ZMYND11: variants seen among roughly 807,000 people sequenced by gnomAD.
The protein encoded by ZMYND11 is zinc finger MYND domain-containing protein 11.
ZMYND11 carries 9 observed loss-of-function variants against 84.9 expected under a neutral mutation model. That is an observed-to-expected ratio of 0.11 (90% CI 0.06 to 0.18). ZMYND11 has a LOEUF of 0.18. Among genes scored for constraint, ZMYND11 ranks in the 10% least tolerant of loss-of-function variants. ZMYND11 has a pLI of 1.00. For missense variants in ZMYND11, 409 were observed against 761.0 expected, an observed-to-expected ratio of 0.54 and a Z score of 5.44; for synonymous variants, 250 against 244.1, an observed-to-expected ratio of 1.02 and a Z score of -0.23.
intron 2 of ZMYND11, among the ~76,000 whole-genome samples, chr10:208,610 A>G (rs1056218281): frequency 1.3e-5 from 2 of 152,236 alleles, no homozygotes; most frequent in Non-Finnish European, 2.9e-5. Flanking sequence ...ATAGTTGTTC[A>G]TGACTCTGCA....
rs146974151 is a variant in ZMYND11 at position 169,572 on chromosome 10, G to A, written c.-19-10422G>A. On this transcript the variant is annotated intron_variant, in intron 1 of 14. Transcript: ENST00000381604. ...ACATGGGCAACAAGAATAAATGGAC[G>A]ATATAAGCATAGAGATGGAAATTCT... is the stretch of plus-strand genomic sequence containing the variant. Among the ~76,000 whole-genome samples the A allele has an allele frequency of 3.1e-3, 468 of 152,210 alleles. 3 individuals are homozygous for A. Among genetic ancestry groups the A allele is most frequent in the African/African-American group, 0.011 (444 of 41,544 alleles).
intron 2 of ZMYND11, among the ~76,000 whole-genome samples, chr10:192,238 G>A (rs1940637180): frequency 6.6e-6 from 1 of 152,082 alleles, no homozygotes; most frequent in Admixed American, 6.5e-5. Flanking sequence ...AGCTTAGAGG[G>A]GGTGAAGTGT....
chr10:208,589 C>T (rs1168710414), intron 2 of ZMYND11, among the ~76,000 whole-genome samples: 1 of 152,210 alleles, frequency 6.6e-6, no homozygotes, highest in Non-Finnish European at 1.5e-5. Flanking sequence ...ATAGTGCACT[C>T]AGTCCCTGAG....
chr10:247,957 G>A (rs928504106), intron 12 of ZMYND11, among the ~76,000 whole-genome samples: 1 of 152,148 alleles, frequency 6.6e-6, no homozygotes, highest in Non-Finnish European at 1.5e-5. Flanking sequence ...AGGATTTGAG[G>A]AAATGTGTTA....
intron 2 of ZMYND11, among the ~76,000 whole-genome samples, chr10:194,142 G>C (rs932944761): frequency 3.3e-5 from 5 of 151,944 alleles, no homozygotes; most frequent in Non-Finnish European, 7.4e-5. Context: ...ATGCCACCAC[G>C]CCTGGCTAAT....
At chr10:238,646 G>A (rs1015213546) in intron 6 of ZMYND11, among the ~76,000 whole-genome samples, 8 of 152,256 alleles carry the variant, frequency 5.3e-5, no homozygotes, top group Admixed American at 2.0e-4. Flanking sequence ...GTGAGCCACC[G>A]CGCCCGGCCA....
At chr10:206,087 C>T (rs1312188549) in intron 2 of ZMYND11, among the ~76,000 whole-genome samples, 5 of 151,354 alleles carry the variant, frequency 3.3e-5, no homozygotes, top group Admixed American at 6.6e-5. Flanking sequence ...AGGCCGGGCG[C>T]GGTGGCTCAC....
chr10:188,782 A>G (rs564450027), intron 2 of ZMYND11, among the ~76,000 whole-genome samples: 4 of 152,274 alleles, frequency 2.6e-5, no homozygotes, highest in African/African-American at 7.2e-5. Flanking sequence ...GTTTATAATT[A>G]TTTTAAGTAA....
intron 10 of ZMYND11, among the ~76,000 whole-genome samples, chr10:243,295 T>TA (rs1162547993): frequency 6.6e-6 from 1 of 152,172 alleles, no homozygotes; most frequent in Non-Finnish European, 1.5e-5. Flanking sequence ...GCTTTTATAA[T>TA]ACAACAGATA....
In ZMYND11 at chr10:252,540, C is replaced by T; in HGVS notation, c.*70C>T. On this transcript the variant is annotated 3_prime_UTR_variant, in exon 15 of 15. Transcript: ENST00000381604. This position sits in a 1 kb window ranked among gnomAD's most constrained non-coding sequence, Gnocchi z 4.6. ...CACAGCGGTTTTTGTTTCCAAGAAGCCAAAATTGTTTAGAATTTGCTTCCC... is the reference window on the plus strand; with the variant it reads ...CACAGCGGTTTTTGTTTCCAAGAAGTCAAAATTGTTTAGAATTTGCTTCCC... The T allele has an allele frequency of 6.6e-7, 1 of 1,525,416 alleles. No homozygotes were observed. Among genetic ancestry groups the T allele is most frequent in the Non-Finnish European group, 8.8e-7 (1 of 1,140,018 alleles). The allele number at this position is 1,525,416 out of a possible 1,614,324, so 94.5% of individuals were successfully genotyped here.
At chr10:235,150 CAATT>C (rs970305325) in intron 4 of ZMYND11, among the ~76,000 whole-genome samples, 1 of 152,130 alleles carries the variant, frequency 6.6e-6, no homozygotes, top group African/African-American at 2.4e-5. Flanking sequence ...TTCATTTTGT[CAATT>C]AAAATTTTTA....
intron 10 of ZMYND11, among the ~76,000 whole-genome samples, chr10:245,880 T>G (rs934937095): frequency 2.0e-4 from 30 of 152,172 alleles, no homozygotes; most frequent in African/African-American, 7.0e-4. Flanking sequence ...ACCCGAGAGA[T>G]TCCAACCACT....
intron 2 of ZMYND11, among the ~76,000 whole-genome samples, chr10:194,734 C>T (rs1941326862): frequency 6.6e-6 from 1 of 151,762 alleles, no homozygotes. Flanking sequence ...ATCCTTTGCC[C>T]ATTTTTTTAT....
intron 1 of ZMYND11, among the ~76,000 whole-genome samples, chr10:139,079 T>C (rs1355788001): frequency 6.6e-6 from 1 of 152,222 alleles, no homozygotes; most frequent in East Asian, 1.9e-4. Context: ...GCGCTGGGAC[T>C]ATAGGCATGA....
chr10:187,041 A>G (rs1316138664), intron 2 of ZMYND11, among the ~76,000 whole-genome samples: 1 of 152,016 alleles, frequency 6.6e-6, no homozygotes, highest in African/African-American at 2.4e-5. Context: ...CAGCCTGAGC[A>G]ACATATTGAG....
At chr10:191,665 T>C (rs753498457) in intron 2 of ZMYND11, among the ~76,000 whole-genome samples, 6 of 152,256 alleles carry the variant, frequency 3.9e-5, no homozygotes, top group Non-Finnish European at 7.3e-5. Context: ...TATTTTGTTT[T>C]ATTTCTAAAA....
intron 14 of ZMYND11, 181 bp downstream of exon 14, chr10:249,269 TC>T: frequency 6.9e-7 from 1 of 1,440,662 alleles, no homozygotes; most frequent in Non-Finnish European, 9.1e-7. Context: ...CAACCCCAGA[TC>T]CCATATTACT....
chr10:137,818 G>T (rs898573262), intron 1 of ZMYND11, among the ~76,000 whole-genome samples: 3 of 152,190 alleles, frequency 2.0e-5, no homozygotes, highest in Non-Finnish European at 2.9e-5. Flanking sequence ...GAGAATCAGA[G>T]ATCAGAGGAT....
chr10:134,484 A>C (rs1158965181), upstream of ZMYND11: 4 of 152,368 alleles, frequency 2.6e-5, no homozygotes, highest in East Asian at 7.7e-4. Context: ...GCAAATCTGC[A>C]GTGTTCTTGC....
Sources: gnomAD v4.1 joint callset for allele counts (sites outside exome capture counted in the v4.1 genomes callset) on GRCh38, gnomAD v4.1.1 for gene constraint, Gnocchi (gnomAD v3.1) non-coding constraint, MANE v1.5 for transcripts, NCBI Gene and HGNC (gene_info 2026-07-23, HGNC 2026-07-21) for gene names.